ZFAND3: variants seen among roughly 807,000 people sequenced by gnomAD.
The protein encoded by ZFAND3 is AN1-type zinc finger protein 3.
In ZFAND3, 10 loss-of-function variants were observed where a neutral mutation model predicts 29.6. The observed-to-expected ratio is 0.34, with a 90% CI of 0.21 to 0.57. The LOEUF is 0.57. Ranked by LOEUF, ZFAND3 falls within the 20% of genes least tolerant of loss-of-function variation. The pLI is 0.86. For missense variants in ZFAND3, 230 were observed against 304.5 expected (o/e 0.76, Z 1.82); for synonymous variants, 128 against 112.6 (o/e 1.14, Z -0.87).
intron 1 of ZFAND3, among the ~76,000 whole-genome samples, chr6:37,829,018 T>C (rs572410702): frequency 6.6e-6 from 1 of 152,306 alleles, no homozygotes; most frequent in South Asian, 2.1e-4. Context: ...CAAGTCCTTA[T>C]GTGTTCGTGT....
intron 4 of ZFAND3, among the ~76,000 whole-genome samples, chr6:38,107,971 T>C (rs368971049): frequency 6.6e-5 from 10 of 150,416 alleles, no homozygotes; most frequent in East Asian, 3.9e-4. Flanking sequence ...AATGAACAAA[T>C]AGTTTGAGGG....
chr6:37,945,109 G>A (rs1191246955), intron 2 of ZFAND3, among the ~76,000 whole-genome samples: 3 of 152,182 alleles, frequency 2.0e-5, no homozygotes, highest in Admixed American at 1.3e-4. Flanking sequence ...GAGGTCCTAG[G>A]TGAAACCTAG....
intron 2 of ZFAND3, among the ~76,000 whole-genome samples, chr6:37,994,943 A>G (rs1021137591): frequency 1.3e-5 from 2 of 152,174 alleles, no homozygotes; most frequent in African/African-American, 4.8e-5. Flanking sequence ...GACCCTAATG[A>G]TCATGCTCAA....
intron 1 of ZFAND3, among the ~76,000 whole-genome samples, chr6:37,838,405 CT>C (rs1304542881): frequency 6.6e-6 from 1 of 152,182 alleles, no homozygotes; most frequent in African/African-American, 2.4e-5. Flanking sequence ...TCACTACTGT[CT>C]TAATTCCAGA....
At chr6:38,144,231 A>ATATTTTTT in intron 5 of ZFAND3, among the ~76,000 whole-genome samples, 1 of 75,282 alleles carries the variant, frequency 1.3e-5, no homozygotes, top group South Asian at 4.2e-4. Flanking sequence ...ATATATATAT[A>ATATTTTTT]TTTTTTTTTT....
rs73421803 is a variant in ZFAND3 at position 38,101,133 on chromosome 6, T to C, written c.362-15439T>C. On this transcript the variant is annotated intron_variant, in intron 4 of 5. Transcript: ENST00000287218. ...GAATTGAGGTTACAATGTTAGATAG[T>C]TGCTCCTCTCATGTTTCAAATACAT... Among the ~76,000 whole-genome samples the C allele has an allele frequency of 1.5e-3, 233 of 152,364 alleles. 1 individual carries two copies. The highest frequency in any genetic ancestry group is 4.7e-3 in the African/African-American group (195 of 41,580).
chr6:37,890,929 A>T (rs948706724), intron 1 of ZFAND3, among the ~76,000 whole-genome samples: 2 of 152,262 alleles, frequency 1.3e-5, no homozygotes, highest in African/African-American at 4.8e-5. Context: ...CAAACACACT[A>T]ATCTCTTTAC....
chr6:37,962,749 A>G (rs1762219967), intron 2 of ZFAND3, among the ~76,000 whole-genome samples: 1 of 152,188 alleles, frequency 6.6e-6, no homozygotes, highest in South Asian at 2.1e-4. Context: ...TGGCCACCTG[A>G]GCCAGCAAGG....
chr6:38,131,784 T>A (rs1249582129), intron 5 of ZFAND3, among the ~76,000 whole-genome samples: 2 of 152,154 alleles, frequency 1.3e-5, no homozygotes, highest in Non-Finnish European at 2.9e-5. Context: ...TGACTAATAA[T>A]GTACAAGAAA....
At chr6:37,974,354 C>T (rs1352900460) in intron 2 of ZFAND3, among the ~76,000 whole-genome samples, 3 of 151,224 alleles carry the variant, frequency 2.0e-5, no homozygotes, top group African/African-American at 4.9e-5. Flanking sequence ...CGTGAGCTAC[C>T]GTGCCTGGCC....
chr6:38,019,584 T>C (rs1052146375), intron 2 of ZFAND3, among the ~76,000 whole-genome samples: 2 of 151,462 alleles, frequency 1.3e-5, no homozygotes, highest in East Asian at 1.9e-4. Context: ...GCTTCTGGGG[T>C]TTTTTTGGGT....
chr6:37,912,153 C>T (rs1363860911), intron 1 of ZFAND3, among the ~76,000 whole-genome samples: 1 of 151,602 alleles, frequency 6.6e-6, no homozygotes. Context: ...TATCAAGATC[C>T]TCTGAGAACA....
intron 1 of ZFAND3, among the ~76,000 whole-genome samples, chr6:37,856,347 A>G (rs1279719855): frequency 4.6e-5 from 7 of 152,128 alleles, no homozygotes; most frequent in African/African-American, 1.7e-4. Flanking sequence ...ACCTGACTTC[A>G]TGTAGAAGCA....
chr6:38,137,469 C>T (rs1439844461), intron 5 of ZFAND3, among the ~76,000 whole-genome samples: 1 of 152,158 alleles, frequency 6.6e-6, no homozygotes, highest in African/African-American at 2.4e-5. Flanking sequence ...TTTAATGAGT[C>T]AAATGCTGAC....
At chr6:38,001,227 G>A (rs1762942962) in intron 2 of ZFAND3, among the ~76,000 whole-genome samples, 2 of 152,156 alleles carry the variant, frequency 1.3e-5, no homozygotes, top group Admixed American at 1.3e-4. Context: ...ACCTGGAGTA[G>A]GACAGTCCCA....
At chr6:37,821,141 A>G (rs1017333246) in intron 1 of ZFAND3, among the ~76,000 whole-genome samples, 4 of 152,240 alleles carry the variant, frequency 2.6e-5, no homozygotes, top group Non-Finnish European at 5.9e-5. Context: ...TCCCTTTGCT[A>G]TCTCCCATAT....
At chr6:38,129,680 G>C (rs1035387476) in intron 5 of ZFAND3, among the ~76,000 whole-genome samples, 7 of 152,104 alleles carry the variant, frequency 4.6e-5, no homozygotes, top group Non-Finnish European at 1.0e-4. Context: ...TCGTCTGTGT[G>C]CCTTTTGTTA....
At chr6:37,954,227 A>T (rs1762047428) in intron 2 of ZFAND3, among the ~76,000 whole-genome samples, 1 of 56,056 alleles carries the variant, frequency 1.8e-5, no homozygotes, top group South Asian at 6.0e-4. Flanking sequence ...CTTGGAGTTC[A>T]TTGAGATTTT....
intron 2 of ZFAND3, among the ~76,000 whole-genome samples, chr6:37,972,697 A>T (rs114244652): frequency 2.1e-5 from 3 of 143,294 alleles, no homozygotes; most frequent in Admixed American, 1.4e-4. Context: ...AGGCCTATTA[A>T]TTTTTTTTTT....
Sources: gnomAD v4.1 joint callset for allele counts (sites outside exome capture counted in the v4.1 genomes callset) on GRCh38, gnomAD v4.1.1 for gene constraint, MANE v1.5 for transcripts, NCBI Gene and HGNC (gene_info 2026-07-23, HGNC 2026-07-21) for gene names.